WWOX: variants seen among roughly 807,000 people sequenced by gnomAD.
WWOX encodes the protein WW domain containing oxidoreductase, also known as WW domain-containing oxidoreductase.
In WWOX, 69 loss-of-function variants were observed where a neutral mutation model predicts 46.2. The observed-to-expected ratio is 1.49, with a 90% CI of 1.23 to 1.82. The LOEUF is 1.82. Ranked by LOEUF, WWOX falls within the 40% of genes most tolerant of loss-of-function variation. The pLI is 0.00. For missense variants in WWOX, 919 were observed against 542.6 expected (o/e 1.69, Z -6.89); for synonymous variants, 359 against 202.6 (o/e 1.77, Z -6.56).
intron 8 of WWOX, among the ~76,000 whole-genome samples, chr16:79,175,104 G>A (rs545311774): frequency 1.3e-5 from 2 of 152,224 alleles, no homozygotes; most frequent in African/African-American, 2.4e-5. Context: ...CTAGTGTTTG[G>A]GATTTGGGGC....
At chr16:78,433,427 T>C (rs11150079) in intron 8 of WWOX, among the ~76,000 whole-genome samples, 17,787 of 152,256 alleles carry the variant, frequency 0.12, 1,286 homozygotes, top group South Asian at 0.22. Context: ...GTAGGAAGTA[T>C]TTTGAATGAA....
intron 8 of WWOX, among the ~76,000 whole-genome samples, chr16:78,590,735 G>T (rs1440188088): frequency 6.6e-6 from 1 of 152,202 alleles, no homozygotes; most frequent in Non-Finnish European, 1.5e-5. Context: ...GAGTTGCAAG[G>T]TCGGGTAGAT....
chr16:79,059,696 A>C (rs572265916), intron 8 of WWOX, among the ~76,000 whole-genome samples: 1 of 152,060 alleles, frequency 6.6e-6, no homozygotes, highest in South Asian at 2.1e-4. Context: ...GGGTTTCACT[A>C]TGTTGGCCAG....
intron 5 of WWOX, among the ~76,000 whole-genome samples, chr16:78,323,161 A>G (rs978629106): frequency 6.6e-6 from 1 of 152,190 alleles, no homozygotes; most frequent in East Asian, 1.9e-4. Context: ...AGGCTGGAGT[A>G]CAGTGGCACG....
chr16:78,342,796 A>G (rs2151900928), intron 5 of WWOX, among the ~76,000 whole-genome samples: 1 of 120,668 alleles, frequency 8.3e-6, no homozygotes, highest in Middle Eastern at 4.1e-3. Flanking sequence ...GTCCCATTCC[A>G]CTATCATTCT....
chr16:79,196,189 A>C (rs1207851611), intron 8 of WWOX, among the ~76,000 whole-genome samples: 2 of 152,264 alleles, frequency 1.3e-5, no homozygotes, highest in Non-Finnish European at 1.5e-5. Flanking sequence ...GTGAACAGTG[A>C]GAGACCAAGG....
At chr16:78,236,667 G>T (rs989498051) in intron 5 of WWOX, among the ~76,000 whole-genome samples, 1 of 152,136 alleles carries the variant, frequency 6.6e-6, no homozygotes. Flanking sequence ...CCATGAACCT[G>T]TATATCAAAA....
intron 8 of WWOX, among the ~76,000 whole-genome samples, chr16:78,844,856 C>T (rs182929340): frequency 6.3e-4 from 96 of 152,298 alleles, no homozygotes; most frequent in African/African-American, 2.0e-3. Context: ...TGACCTTGCT[C>T]TAGCTCACCA....
intron 8 of WWOX, among the ~76,000 whole-genome samples, chr16:79,189,407 A>G (rs1480603589): frequency 2.7e-5 from 4 of 147,876 alleles, no homozygotes; most frequent in African/African-American, 1.0e-4. Flanking sequence ...ACAGGCATGC[A>G]CCACCACTCC....
At chr16:78,626,759 C>G (rs747516500) in intron 8 of WWOX, among the ~76,000 whole-genome samples, 8 of 152,240 alleles carry the variant, frequency 5.3e-5, no homozygotes, top group African/African-American at 1.2e-4. Flanking sequence ...ACTTGGAATT[C>G]TGCATGGAAT....
At chr16:78,954,685 G>A (rs373936568) in intron 8 of WWOX, among the ~76,000 whole-genome samples, 23 of 152,180 alleles carry the variant, frequency 1.5e-4, no homozygotes, top group African/African-American at 5.3e-4. Flanking sequence ...ATAAATTCCT[G>A]TAATGGGAGT....
At chr16:78,787,787 G>C (rs924512805) in intron 8 of WWOX, among the ~76,000 whole-genome samples, 1 of 152,156 alleles carries the variant, frequency 6.6e-6, no homozygotes, top group East Asian at 1.9e-4. Context: ...TCCACTTGCA[G>C]TATATGAAGG....
chr16:79,148,401 C>G (rs781347189), intron 8 of WWOX, among the ~76,000 whole-genome samples: 13 of 152,114 alleles, frequency 8.5e-5, no homozygotes, highest in Non-Finnish European at 1.3e-4. Context: ...ATCTTTCTGG[C>G]TTCTTTATTC....
At chr16:79,075,878 A>G (rs1166293271) in intron 8 of WWOX, among the ~76,000 whole-genome samples, 4 of 152,184 alleles carry the variant, frequency 2.6e-5, no homozygotes, top group Admixed American at 2.0e-4. Context: ...ATTTTTCAGA[A>G]TTATGTTTTT....
chr16:78,404,127 T>C (rs189675378), intron 6 of WWOX, among the ~76,000 whole-genome samples: 171 of 152,184 alleles, frequency 1.1e-3, no homozygotes, highest in African/African-American at 4.0e-3. Context: ...ATTAAGCAAA[T>C]GGTACCTAAA....
At chr16:78,857,053 G>T (rs139277331) in intron 8 of WWOX, among the ~76,000 whole-genome samples, 37 of 152,300 alleles carry the variant, frequency 2.4e-4, no homozygotes, top group African/African-American at 8.2e-4. Flanking sequence ...TTAAAATATG[G>T]TATTACAATC....
At chr16:78,465,903 G>C (rs1456186100) in intron 8 of WWOX, among the ~76,000 whole-genome samples, 3 of 152,132 alleles carry the variant, frequency 2.0e-5, no homozygotes, top group South Asian at 2.1e-4. Flanking sequence ...GGTCACATAG[G>C]ATATTCCATT....
At chr16:79,211,542 G>T in intron 8 of WWOX, 66 bp from the exon 9 acceptor site, 3 of 1,607,076 alleles carry the variant, frequency 1.9e-6, no homozygotes, top group Non-Finnish European at 1.7e-6. Flanking sequence ...CCAGGCAGTC[G>T]AAATGACGCC....
intron 8 of WWOX, among the ~76,000 whole-genome samples, chr16:79,082,016 A>C (rs971285327): frequency 1.3e-5 from 2 of 152,216 alleles, no homozygotes; most frequent in Non-Finnish European, 2.9e-5. Context: ...AAATTCTGTA[A>C]GCACAGGAGT....
Sources: gnomAD v4.1 joint callset for allele counts (sites outside exome capture counted in the v4.1 genomes callset) on GRCh38, gnomAD v4.1.1 for gene constraint, MANE v1.5 for transcripts, NCBI Gene and HGNC (gene_info 2026-07-23, HGNC 2026-07-21) for gene names.